PTCSC3: variants seen among roughly 807,000 people sequenced by gnomAD.
PTCSC3 encodes papillary thyroid carcinoma susceptibility candidate 3 (non-protein coding).
chr14:36,135,873 ATATGTGTGTGTGTGTGTATATATATATG>A (rs1190175282), downstream of PTCSC3, among the ~76,000 whole-genome samples: 2 of 150,484 alleles, frequency 1.3e-5, no homozygotes, highest in African/African-American at 2.4e-5. Flanking sequence ...ATATATATAT[ATATGTGTGTGTGTGTGTATATATATATG>A]TGTGTGTGTG....
chr14:36,146,263 G>GT (rs1199826288), intron 3 of PTCSC3, among the ~76,000 whole-genome samples: 1 of 148,148 alleles, frequency 6.8e-6, no homozygotes. Context: ...ACAGTGGGGT[G>GT]TTTAAGTCTC....
intron 1 of PTCSC3, among the ~76,000 whole-genome samples, chr14:36,165,445 G>A (rs540879498): frequency 1.1e-4 from 17 of 151,936 alleles, no homozygotes; most frequent in Admixed American, 9.2e-4. Context: ...GTTTCTCTAT[G>A]AGATTATTTT....
chr14:36,139,479 T>A (rs1881370666), intron 3 of PTCSC3, among the ~76,000 whole-genome samples: 1 of 152,170 alleles, frequency 6.6e-6, no homozygotes, highest in Admixed American at 6.5e-5. Context: ...CATTATACTG[T>A]TTTACCACCC....
chr14:36,156,113 AT>A (rs1881819872), intron 2 of PTCSC3, among the ~76,000 whole-genome samples: 1 of 152,144 alleles, frequency 6.6e-6, no homozygotes, highest in Non-Finnish European at 1.5e-5. Context: ...TTTTGTGAAG[AT>A]TATATGGTCT....
chr14:36,148,675 T>C (rs1318864331), intron 3 of PTCSC3, among the ~76,000 whole-genome samples: 2 of 152,226 alleles, frequency 1.3e-5, no homozygotes, highest in African/African-American at 2.4e-5. Flanking sequence ...TATTCGGCCA[T>C]CTTGGCTCCT....
At chr14:36,166,875 A>G (rs1882096964) in intron 1 of PTCSC3, among the ~76,000 whole-genome samples, 1 of 152,226 alleles carries the variant, frequency 6.6e-6, no homozygotes, top group South Asian at 2.1e-4. Flanking sequence ...CTGCACTGGA[A>G]GGTTAAAAGT....
chr14:36,162,285 A>AAAAAAAAAAAAAAC (rs1566509723), intron 2 of PTCSC3, among the ~76,000 whole-genome samples: 1 of 139,110 alleles, frequency 7.2e-6, no homozygotes, highest in African/African-American at 2.6e-5. Flanking sequence ...AAAAAAAAAA[A>AAAAAAAAAAAAAAC]CTCCTGCAGC....
At chr14:36,153,286 T>G (rs918732773) in intron 3 of PTCSC3, among the ~76,000 whole-genome samples, 1 of 152,224 alleles carries the variant, frequency 6.6e-6, no homozygotes, top group African/African-American at 2.4e-5. Flanking sequence ...TATTGGGGGT[T>G]AGGATTTCAC....
At chr14:36,143,031 C>A (rs1053450104) in intron 3 of PTCSC3, among the ~76,000 whole-genome samples, 47 of 151,990 alleles carry the variant, frequency 3.1e-4, no homozygotes, top group Non-Finnish European at 6.3e-4. Flanking sequence ...TGTGTATGTG[C>A]CACATTTTCT....
chr14:36,162,128 A>G (rs1357936539), intron 2 of PTCSC3, among the ~76,000 whole-genome samples: 2 of 152,080 alleles, frequency 1.3e-5, no homozygotes, highest in South Asian at 2.1e-4. Context: ...AAGCCAGTGG[A>G]TGTTAGCTTG....
At chr14:36,152,332 G>T (rs925830739) in intron 3 of PTCSC3, among the ~76,000 whole-genome samples, 6 of 152,082 alleles carry the variant, frequency 3.9e-5, no homozygotes, top group Admixed American at 1.3e-4. Flanking sequence ...GCACACACCT[G>T]TAGTCCTAGC....
chr14:36,168,915 C>T (rs1217824189), intron 1 of PTCSC3, among the ~76,000 whole-genome samples: 1 of 152,140 alleles, frequency 6.6e-6, no homozygotes, highest in African/African-American at 2.4e-5. Context: ...ACCACTGTGC[C>T]TGGCTAGAAA....
chr14:36,168,320 C>T (rs1882131483), intron 1 of PTCSC3, among the ~76,000 whole-genome samples: 1 of 144,660 alleles, frequency 6.9e-6, no homozygotes, highest in South Asian at 2.1e-4. Context: ...CTTTGCATTC[C>T]ATTAAAACCC....
intron 2 of PTCSC3, among the ~76,000 whole-genome samples, chr14:36,160,642 G>A (rs1566509061): frequency 1.1e-5 from 1 of 91,212 alleles, no homozygotes; most frequent in East Asian, 2.6e-4. Flanking sequence ...CTTTCTCTCT[G>A]GCTGCCTTAA....
At chr14:36,158,778 A>C (rs1230449048) in intron 2 of PTCSC3, among the ~76,000 whole-genome samples, 1 of 152,202 alleles carries the variant, frequency 6.6e-6, no homozygotes, top group Non-Finnish European at 1.5e-5. Flanking sequence ...AAAATGACTT[A>C]GGGAGGAGTC....
intron 3 of PTCSC3, among the ~76,000 whole-genome samples, chr14:36,139,808 AT>A (rs1268066489): frequency 2.0e-5 from 3 of 152,188 alleles, no homozygotes; most frequent in Non-Finnish European, 4.4e-5. Context: ...ATTTGTTATA[AT>A]TAATAAACCA....
intron 3 of PTCSC3, among the ~76,000 whole-genome samples, chr14:36,144,120 T>C (rs1290291521): frequency 6.6e-6 from 1 of 152,148 alleles, no homozygotes; most frequent in Non-Finnish European, 1.5e-5. Context: ...TCTTTTGGCT[T>C]AGGATTGGCT....
intron 2 of PTCSC3, among the ~76,000 whole-genome samples, chr14:36,161,845 C>CCGA (rs1477113792): frequency 6.6e-6 from 1 of 152,154 alleles, no homozygotes; most frequent in Non-Finnish European, 1.5e-5. Flanking sequence ...CCCCACGTGC[C>CCGA]CTGTCCCAGG....
intron 1 of PTCSC3, among the ~76,000 whole-genome samples, chr14:36,168,315 C>A (rs1882131319): frequency 6.8e-6 from 1 of 146,014 alleles, no homozygotes; most frequent in Non-Finnish European, 1.5e-5. Flanking sequence ...TATGCCTTTG[C>A]ATTCCATTAA....
Sources: gnomAD v4.1 joint callset for allele counts (sites outside exome capture counted in the v4.1 genomes callset) on GRCh38, gnomAD v4.1.1 for gene constraint, MANE v1.5 for transcripts, NCBI Gene and HGNC (gene_info 2026-07-23, HGNC 2026-07-21) for gene names.